Variants in GRK3 observed in about 807,000 individuals in gnomAD.
GRK3 encodes the protein adrenergic, beta, receptor kinase 2.
GRK3 carries 54 observed loss-of-function variants against 95.7 expected under a neutral mutation model. The observed-to-expected ratio is 0.56, with a 90% CI of 0.45 to 0.71. The LOEUF (loss-of-function observed/expected upper bound fraction) is 0.71. Ranked by LOEUF, GRK3 falls within the 30% of genes least tolerant of loss-of-function variation. The pLI is 0.00. For synonymous variants in GRK3, 281 were observed against 290.8 expected, an observed-to-expected ratio of 0.97 and a Z score of 0.34; for missense variants, 649 against 851.2, an observed-to-expected ratio of 0.76 and a Z score of 2.96.
chr22:25,584,699 A>G (rs1227082017), intron 1 of GRK3, among the ~76,000 whole-genome samples: 1 of 152,292 alleles, frequency 6.6e-6, no homozygotes, highest in Non-Finnish European at 1.5e-5. Context: ...TAACTTTATC[A>G]TAGATGTGTA....
chr22:25,616,610 G>C (rs2084541039), intron 2 of GRK3, among the ~76,000 whole-genome samples: 1 of 152,178 alleles, frequency 6.6e-6, no homozygotes, highest in South Asian at 2.1e-4. Flanking sequence ...CTCTTAGAAA[G>C]CTAAAGGCTG....
intron 1 of GRK3, among the ~76,000 whole-genome samples, chr22:25,585,759 A>T (rs1460744275): frequency 2.0e-5 from 3 of 152,272 alleles, no homozygotes; most frequent in Non-Finnish European, 4.4e-5. Context: ...TTCAGCCAAA[A>T]CGTATTCCAG....
At chr22:25,585,960 G>A (rs1182219828) in intron 1 of GRK3, among the ~76,000 whole-genome samples, 2 of 152,288 alleles carry the variant, frequency 1.3e-5, no homozygotes, top group Non-Finnish European at 2.9e-5. Flanking sequence ...GTTGGGGAAG[G>A]CTCCACGGTG....
intron 19 of GRK3, among the ~76,000 whole-genome samples, chr22:25,720,000 C>T (rs951501921): frequency 1.3e-5 from 2 of 152,128 alleles, no homozygotes; most frequent in Non-Finnish European, 2.9e-5. Flanking sequence ...AAATTAGAAT[C>T]TAGGATCTAA....
At chr22:25,587,175 G>A (rs1021025928) in intron 1 of GRK3, among the ~76,000 whole-genome samples, 1 of 152,146 alleles carries the variant, frequency 6.6e-6, no homozygotes, top group African/African-American at 2.4e-5. Flanking sequence ...ATAGGCGTGA[G>A]CCACCGTGCC....
At chr22:25,672,454 C>T in intron 7 of GRK3, 107 bp downstream of exon 7, 2 of 657,402 alleles carry the variant, frequency 3.0e-6, no homozygotes, top group South Asian at 3.5e-5. Context: ...GGGTCCACTG[C>T]CCAAACAGAT....
rs551455418 is a variant in GRK3, at chr22:25,722,621, G to T, written c.*171G>T. The T allele has an allele frequency of 3.5e-6, 2 of 578,342 alleles. No individual in the cohort carries two copies. Among genetic ancestry groups the T allele is most frequent in the East Asian group, 2.9e-5 (1 of 34,726 alleles). The allele number at this position is 578,342 out of a possible 1,614,324, so 35.8% of individuals were successfully genotyped here. A position where few individuals can be genotyped will look rare whatever the true frequency, so the allele number is the denominator to read the frequency against. On this transcript the variant is annotated 3_prime_UTR_variant, in exon 21 of 21. Transcript: ENST00000324198. ...CTCAGCTCCCTGCCTTGTCACATTTGTCTGCATTAGAAACTACTGAAGAAA... is the reference window on the plus strand; with the variant it reads ...CTCAGCTCCCTGCCTTGTCACATTTTTCTGCATTAGAAACTACTGAAGAAA...
At chr22:25,709,858 A>G in intron 15 of GRK3, 40 bp from the exon 16 acceptor site, 1 of 1,474,282 alleles carries the variant, frequency 6.8e-7, no homozygotes, top group Non-Finnish European at 9.5e-7. Context: ...TTACGTTTCC[A>G]AATGCATACT....
chr22:25,678,647 T>C (rs2085051245), intron 8 of GRK3, among the ~76,000 whole-genome samples, 169 bp from the exon 9 acceptor site: 1 of 152,254 alleles, frequency 6.6e-6, no homozygotes, highest in Non-Finnish European at 1.5e-5. Flanking sequence ...GATTTTGTTT[T>C]CACAATACAT....
At position 25,667,801 on chromosome 22, in the gene GRK3, G is replaced by T; in HGVS notation, c.503+1G>T. 1 of 1,593,388 alleles carries T rather than the reference G, an allele frequency of 6.3e-7. No homozygotes were observed. Among genetic ancestry groups the T allele is most frequent in the Non-Finnish European group, 8.6e-7 (1 of 1,161,404 alleles). On this transcript the variant is annotated splice_donor_variant, in intron 6 of 20. Transcript: ENST00000324198. LOFTEE classifies it high-confidence loss of function. Reference sequence around the variant, plus strand: ...ACATTTTTCAAAAATTTATGGAAAGGTATGAAACTTTATGCATATATATAC... The same window carrying T: ...ACATTTTTCAAAAATTTATGGAAAGTTATGAAACTTTATGCATATATATAC...
At chr22:25,713,622 G>A (rs1269914043) in intron 17 of GRK3, among the ~76,000 whole-genome samples, 1 of 152,184 alleles carries the variant, frequency 6.6e-6, no homozygotes, top group Non-Finnish European at 1.5e-5. Context: ...TCTAAGACAA[G>A]CATGTATTTA....
intron 6 of GRK3, among the ~76,000 whole-genome samples, chr22:25,671,125 G>C (rs1034383983): frequency 6.6e-6 from 1 of 151,638 alleles, no homozygotes; most frequent in African/African-American, 2.4e-5. Context: ...AGGCTGAGGC[G>C]GGCGGATCAC....
intron 4 of GRK3, among the ~76,000 whole-genome samples, 182 bp downstream of exon 4, chr22:25,661,859 C>G (rs538959470): frequency 2.6e-5 from 4 of 152,114 alleles, no homozygotes; most frequent in African/African-American, 9.7e-5. Context: ...TGTGTTGCTT[C>G]GTGTAAGCTT....
intron 3 of GRK3, among the ~76,000 whole-genome samples, chr22:25,658,122 T>C (rs545614475): frequency 3.3e-5 from 5 of 152,360 alleles, no homozygotes; most frequent in African/African-American, 1.2e-4. Flanking sequence ...CCAGTTATAA[T>C]AGCTGCTTTA....
intron 1 of GRK3, among the ~76,000 whole-genome samples, chr22:25,576,476 A>G (rs898210346): frequency 3.3e-5 from 5 of 152,152 alleles, no homozygotes; most frequent in African/African-American, 9.7e-5. Flanking sequence ...AACCTTTGCC[A>G]TTTCTTGGCC....
chr22:25,593,384 A>C (rs1324539600), intron 1 of GRK3, among the ~76,000 whole-genome samples: 16 of 151,364 alleles, frequency 1.1e-4, no homozygotes, highest in Admixed American at 1.1e-3. Flanking sequence ...TTCTTTTTTT[A>C]AATAATAGCC....
In GRK3 at chr22:25,726,947, G is replaced by GTGTGTGTT. The variant is rs2085479293; in HGVS notation, c.*4504_*4505insTTGTGTGT. ...TGTGTGTGTGTGTGTGTGTGTGTGT[G>GTGTGTGTT]TGTGTGTGTGCACTTTGCAGCCCCC... On this transcript the variant is annotated 3_prime_UTR_variant, in exon 21 of 21. Coordinates refer to ENST00000324198, the MANE Select transcript of GRK3 (RefSeq NM_005160.4). The GTGTGTGTT allele has an allele frequency of 6.4e-6, 1 of 155,950 alleles. No individual in the cohort carries two copies. Among genetic ancestry groups the GTGTGTGTT allele is most frequent in the South Asian group, 2.0e-4 (1 of 4,882 alleles). The allele number at this position is 155,950 out of a possible 1,614,324, so 9.7% of individuals were successfully genotyped here.
chr22:25,727,091 GTTC>G lies in GRK3; in HGVS notation c.*4643_*4645del, dbSNP rs2085480872. 6.6e-6 allele frequency: 1 copy of G among 152,088 alleles called. No individual in the cohort carries two copies. The allele number at this position is 152,088 out of a possible 1,614,324, so 9.4% of individuals were successfully genotyped here. On this transcript the variant is annotated 3_prime_UTR_variant, in exon 21 of 21. Coordinates refer to ENST00000324198, the MANE Select transcript of GRK3 (RefSeq NM_005160.4). ...CTGTCAAGAGTAACAGGCCTCTTCTGTTCTACCCTGCTCACTTCCACGGTGAGT... is the reference window on the plus strand; with the variant it reads ...CTGTCAAGAGTAACAGGCCTCTTCTGTACCCTGCTCACTTCCACGGTGAGT...
At chr22:25,663,237 C>G (rs2084921021) in intron 4 of GRK3, among the ~76,000 whole-genome samples, 1 of 152,098 alleles carries the variant, frequency 6.6e-6, no homozygotes, top group Admixed American at 6.6e-5. Context: ...GTTGCCCAGG[C>G]TGATCGCGAA....
Sources: gnomAD v4.1 joint callset for allele counts (sites outside exome capture counted in the v4.1 genomes callset) on GRCh38, gnomAD v4.1.1 for gene constraint, MANE v1.5 for transcripts, NCBI Gene and HGNC (gene_info 2026-07-23, HGNC 2026-07-21) for gene names.